The following MECOM variants were observed in gnomAD, a reference collection of about 807,000 sequenced individuals.
MECOM encodes the protein MDS1 and EVI1 complex locus, also known as histone-lysine N-methyltransferase MECOM.
Under a neutral mutation model 116.3 loss-of-function variants are expected in MECOM, and 13 were observed. The ratio of observed to expected loss-of-function variants is 0.11; its 90% confidence interval spans 0.07 to 0.18. The LOEUF is 0.18. Among genes scored for constraint, MECOM ranks in the 10% least tolerant of loss-of-function variants. MECOM has a pLI of 1.00. For synonymous variants in MECOM, 528 were observed against 535.2 expected (o/e 0.99, Z 0.19); for missense variants, 1,299 against 1,509.0 (o/e 0.86, Z 2.31).
At chr3:169,314,064 C>A (rs991863705) in intron 2 of MECOM, among the ~76,000 whole-genome samples, 3 of 152,192 alleles carry the variant, frequency 2.0e-5, no homozygotes, top group African/African-American at 7.2e-5. Context: ...TTTCTGACTT[C>A]TCATACTGTA....
intron 1 of MECOM, among the ~76,000 whole-genome samples, chr3:169,457,109 C>T (rs1746653596): frequency 1.3e-5 from 2 of 152,156 alleles, no homozygotes; most frequent in Non-Finnish European, 1.5e-5. Flanking sequence ...GTTCACAGCT[C>T]TACCACTGTT....
chr3:169,264,784 C>G (rs6444848), intron 2 of MECOM, among the ~76,000 whole-genome samples: 1 of 151,944 alleles, frequency 6.6e-6, no homozygotes, highest in East Asian at 1.9e-4. Flanking sequence ...AGCTTTCTAC[C>G]TAAAGAGTAA....
At chr3:169,300,126 A>T (rs951387087) in intron 2 of MECOM, among the ~76,000 whole-genome samples, 15 of 152,154 alleles carry the variant, frequency 9.9e-5, no homozygotes, top group Non-Finnish European at 4.4e-5. Flanking sequence ...TTTCAGATTT[A>T]TGTCAGCCTA....
chr3:169,311,696 A>G (rs1393841018), intron 2 of MECOM, among the ~76,000 whole-genome samples: 2 of 150,812 alleles, frequency 1.3e-5, no homozygotes, highest in African/African-American at 4.9e-5. Context: ...TTTTTTTTGT[A>G]CTTTTGTTTT....
At chr3:169,219,672 T>C (rs1751869034) in intron 2 of MECOM, among the ~76,000 whole-genome samples, 1 of 151,978 alleles carries the variant, frequency 6.6e-6, no homozygotes, top group African/African-American at 2.4e-5. Context: ...GTGTGTGGTG[T>C]AGAAGGAGTG....
At chr3:169,167,874 T>G (rs1743831440) in intron 2 of MECOM, among the ~76,000 whole-genome samples, 1 of 152,108 alleles carries the variant, frequency 6.6e-6, no homozygotes, top group Non-Finnish European at 1.5e-5. Context: ...GACTTTTGAG[T>G]ACTTGTCCTT....
At chr3:169,291,529 A>G (rs1385679785) in intron 2 of MECOM, among the ~76,000 whole-genome samples, 1 of 152,166 alleles carries the variant, frequency 6.6e-6, no homozygotes, top group African/African-American at 2.4e-5. Flanking sequence ...ATCAGTTTAT[A>G]TTTAGGAGAA....
chr3:169,433,848 A>G (rs943183896), intron 1 of MECOM, among the ~76,000 whole-genome samples: 2 of 152,172 alleles, frequency 1.3e-5, no homozygotes, highest in Admixed American at 6.5e-5. Flanking sequence ...GACCTTTCAA[A>G]TGTTTGAACG....
intron 2 of MECOM, among the ~76,000 whole-genome samples, chr3:169,152,846 A>G (rs1321818160): frequency 1.3e-5 from 2 of 152,206 alleles, no homozygotes; most frequent in Non-Finnish European, 2.9e-5. Context: ...TAACAGTTTA[A>G]TATTTTATAG....
At chr3:169,405,575 C>G (rs1392343592) in intron 1 of MECOM, among the ~76,000 whole-genome samples, 1 of 152,142 alleles carries the variant, frequency 6.6e-6, no homozygotes, top group Non-Finnish European at 1.5e-5. Flanking sequence ...TCAATACAGA[C>G]AGAGTTAATA....
chr3:169,205,838 G>A (rs1183896276), intron 2 of MECOM, among the ~76,000 whole-genome samples: 2 of 152,088 alleles, frequency 1.3e-5, no homozygotes, highest in East Asian at 1.9e-4. Context: ...GCCAAATTAA[G>A]CCCCACAATA....
At chr3:169,238,434 T>G (rs1218656837) in intron 2 of MECOM, among the ~76,000 whole-genome samples, 1 of 151,944 alleles carries the variant, frequency 6.6e-6, no homozygotes, top group Non-Finnish European at 1.5e-5. Context: ...AGCATCAAGT[T>G]TGATGTTTTG....
At chr3:169,147,311 G>C (rs1740207150) in intron 2 of MECOM, 2 of 985,548 alleles carry the variant, frequency 2.0e-6, no homozygotes, top group African/African-American at 3.5e-5. Flanking sequence ...CGCCTTCGCG[G>C]GTCCTGGACC....
chr3:169,566,102 A>G (rs746092712), intron 1 of MECOM: 6 of 323,572 alleles, frequency 1.9e-5, no homozygotes, highest in Non-Finnish European at 3.7e-5. Context: ...CTTGTAAACC[A>G]TCAGATCTTG....
intron 1 of MECOM, among the ~76,000 whole-genome samples, chr3:169,520,513 A>G (rs911407786): frequency 1.3e-5 from 2 of 152,208 alleles, no homozygotes; most frequent in South Asian, 4.1e-4. Flanking sequence ...ATTTAGTAAC[A>G]TTAATATGGA....
intron 1 of MECOM, among the ~76,000 whole-genome samples, chr3:169,642,321 G>A (rs1773590967): frequency 6.6e-6 from 1 of 151,444 alleles, no homozygotes; most frequent in African/African-American, 2.4e-5. Context: ...AAGAGAGAAG[G>A]AAAATATTTA....
intron 1 of MECOM, among the ~76,000 whole-genome samples, chr3:169,486,038 T>C (rs368713174): frequency 6.8e-5 from 9 of 131,716 alleles, no homozygotes; most frequent in Non-Finnish European, 1.5e-4. Flanking sequence ...TATATATATA[T>C]ATGTATATAT....
In MECOM at chr3:169,597,054, A is replaced by G. The variant is rs16854145; in HGVS notation, c.37+66282T>C. The stretch of plus-strand genomic sequence containing the variant: ...TCCAAGCTAGGGTATAGGAAAGATT[A>G]AATATCTCACTGAACTTCAGCCTGA... On this transcript the variant is annotated intron_variant, in intron 1 of 16. Transcript: ENST00000651503. Among the ~76,000 whole-genome samples, 2,565 of 152,292 alleles carry G rather than the reference A, an allele frequency of 0.017. 237 individuals carry two copies. The East Asian group carries it at 0.29, about 17-fold the overall frequency.
chr3:169,479,685 G>A (rs1228729300), intron 1 of MECOM, among the ~76,000 whole-genome samples: 1 of 145,882 alleles, frequency 6.9e-6, no homozygotes, highest in African/African-American at 2.5e-5. Context: ...AAATTTGCCT[G>A]ATTCTCAGGC....
Sources: gnomAD v4.1 joint callset for allele counts (sites outside exome capture counted in the v4.1 genomes callset) on GRCh38, gnomAD v4.1.1 for gene constraint, MANE v1.5 for transcripts, NCBI Gene and HGNC (gene_info 2026-07-23, HGNC 2026-07-21) for gene names.